Variants in NALCN observed in about 807,000 individuals in gnomAD.
NALCN encodes sodium leak channel NALCN.
In NALCN, 111 loss-of-function variants were observed where a neutral mutation model predicts 225.3. That is an observed-to-expected ratio of 0.49 (90% CI 0.42 to 0.58). The LOEUF is 0.58. NALCN is among the 20% of genes least tolerant of loss of function. The pLI is 0.00. For synonymous variants in NALCN, 764 were observed against 769.0 expected (o/e 0.99, Z 0.11); for missense variants, 1,378 against 2,202.4 (o/e 0.63, Z 7.49).
chr13:101,355,738 G>C (rs1181505370), intron 6 of NALCN, among the ~76,000 whole-genome samples: 1 of 152,118 alleles, frequency 6.6e-6, no homozygotes, highest in Non-Finnish European at 1.5e-5. Context: ...CAAATCAACA[G>C]AATATACATT....
At chr13:101,346,085 C>CTA (rs1164298684) in intron 6 of NALCN, among the ~76,000 whole-genome samples, 2,345 of 80,034 alleles carry the variant, frequency 0.029, 19 homozygotes, top group African/African-American at 0.038. Context: ...CTCTCTCTCT[C>CTA]TCTATATATA....
At chr13:101,220,783 T>C (rs1464935476) in intron 13 of NALCN, among the ~76,000 whole-genome samples, 1 of 152,216 alleles carries the variant, frequency 6.6e-6, no homozygotes, top group African/African-American at 2.4e-5. Context: ...GGAATGGATC[T>C]AAAAAGCAGC....
At chr13:101,394,375 A>G (rs1004982531) in intron 3 of NALCN, among the ~76,000 whole-genome samples, 18 of 152,178 alleles carry the variant, frequency 1.2e-4, no homozygotes, top group African/African-American at 4.1e-4. Flanking sequence ...ACACTTTCTC[A>G]CCAAAATTAG....
intron 43 of NALCN, chr13:101,057,605 A>C: frequency 3.3e-6 from 1 of 304,294 alleles, no homozygotes. Flanking sequence ...CTTCAGTTGA[A>C]TACTTTTGCC....
intron 13 of NALCN, among the ~76,000 whole-genome samples, chr13:101,224,504 A>T (rs186308336): frequency 6.6e-6 from 1 of 152,324 alleles, no homozygotes; most frequent in East Asian, 1.9e-4. Flanking sequence ...AGAATGCTCT[A>T]TAAACCTTAC....
At chr13:101,307,366 C>G (rs1007504229) in intron 7 of NALCN, among the ~76,000 whole-genome samples, 1 of 152,142 alleles carries the variant, frequency 6.6e-6, no homozygotes, top group Admixed American at 6.5e-5. Flanking sequence ...ACACACCAGG[C>G]CTTTCTCTAT....
chr13:101,074,794 G>T, intron 35 of NALCN, 132 bp from the exon 36 acceptor site: 1 of 1,074,074 alleles, frequency 9.3e-7, no homozygotes, highest in Non-Finnish European at 1.3e-6. Flanking sequence ...TAATCTTTAA[G>T]CAGATTGGCT....
chr13:101,246,399 A>G (rs2140178511), intron 11 of NALCN, among the ~76,000 whole-genome samples: 1 of 152,370 alleles, frequency 6.6e-6, no homozygotes, highest in South Asian at 2.1e-4. Context: ...AAAGCTCACA[A>G]GAAAATCAGT....
intron 10 of NALCN, among the ~76,000 whole-genome samples, chr13:101,274,062 C>G (rs1001422088): frequency 6.6e-6 from 1 of 151,978 alleles, no homozygotes; most frequent in Non-Finnish European, 1.5e-5. Context: ...CAACGAGCAC[C>G]CTTACACGTT....
chr13:101,195,667 T>G (rs2140018430), intron 13 of NALCN, among the ~76,000 whole-genome samples: 1 of 152,320 alleles, frequency 6.6e-6, no homozygotes, highest in Non-Finnish European at 1.5e-5. Flanking sequence ...TTTATCCACT[T>G]TAGACATAGA....
intron 1 of NALCN, among the ~76,000 whole-genome samples, chr13:101,411,396 T>G (rs1288827196): frequency 1.4e-5 from 2 of 145,562 alleles, no homozygotes; most frequent in African/African-American, 5.1e-5. Context: ...CAGGCTGGAG[T>G]GTAATGCGTG....
rs772756333 is a variant in NALCN at position 101,397,575 on chromosome 13, CAT to C, written c.108+1442_108+1443del. Among the ~76,000 whole-genome samples, 19 of 150,866 alleles carry C rather than the reference CAT, an allele frequency of 1.3e-4. No individual in the cohort carries two copies. The South Asian group carries it at 1.5e-3, about 12-fold the overall frequency. On this transcript the variant is annotated intron_variant, in intron 2 of 43. Coordinates refer to ENST00000251127, the MANE Select transcript of NALCN (RefSeq NM_052867.4). Reference sequence around the variant, plus strand: ...TATGCATATATGTTAACACATATAACATATATGTGTATGTGTAATGTGTATAT... The same window carrying C: ...TATGCATATATGTTAACACATATAACATATGTGTATGTGTAATGTGTATAT...
chr13:101,095,123 T>C (rs987951323), intron 28 of NALCN, among the ~76,000 whole-genome samples: 2 of 152,194 alleles, frequency 1.3e-5, no homozygotes, highest in African/African-American at 4.8e-5. Context: ...TATTCCTCTC[T>C]AGTGTTTCAA....
intron 27 of NALCN, among the ~76,000 whole-genome samples, chr13:101,096,970 C>T (rs2034542265): frequency 6.6e-6 from 1 of 152,218 alleles, no homozygotes; most frequent in South Asian, 2.1e-4. Flanking sequence ...GCCATGTCTC[C>T]TCTTGGCCTC....
chr13:101,144,694 C>A, intron 16 of NALCN, 66 bp downstream of exon 16: 1 of 1,519,016 alleles, frequency 6.6e-7, no homozygotes, highest in Non-Finnish European at 8.9e-7. Context: ...AGGGTTAAAT[C>A]AGATTTAAGA....
At position 101,396,858 on chromosome 13, in the gene NALCN, C is replaced by A. The variant is rs961634794; in HGVS notation, c.109-1493G>T. ...CTCCAAGGCCACATCTTTTATACTA[C>A]CTTCTTCATAAGTTTGTAGAAAGCT... On this transcript the variant is annotated intron_variant, in intron 2 of 43. Transcript: ENST00000251127. Among the ~76,000 whole-genome samples, 11 of 151,538 alleles carry A rather than the reference C, an allele frequency of 7.3e-5. No homozygotes were observed. The East Asian group carries it at 1.4e-3, about 19-fold the overall frequency.
At chr13:101,388,141 G>C (rs1457150773) in intron 3 of NALCN, among the ~76,000 whole-genome samples, 1 of 152,004 alleles carries the variant, frequency 6.6e-6, no homozygotes, top group Non-Finnish European at 1.5e-5. Flanking sequence ...AATAATAGAG[G>C]CCATGATGGT....
At chr13:101,282,859 T>C (rs952460436) in intron 10 of NALCN, among the ~76,000 whole-genome samples, 1 of 152,190 alleles carries the variant, frequency 6.6e-6, no homozygotes, top group African/African-American at 2.4e-5. Context: ...AATGGCCATA[T>C]AAACATAGCC....
Position 101,382,762 on chromosome 13 carries a change from C to CT in NALCN, c.292-4110dup, listed in dbSNP as rs200861598. Among the ~76,000 whole-genome samples the CT allele has an allele frequency of 4.5e-3, 684 of 152,226 alleles. 5 individuals are homozygous for CT. Among genetic ancestry groups the CT allele is most frequent in the African/African-American group, 0.016 (650 of 41,544 alleles). On this transcript the variant is annotated intron_variant, in intron 3 of 43. Coordinates refer to ENST00000251127, the MANE Select transcript of NALCN (RefSeq NM_052867.4). ...AAATTCTACCATGTAATGTAGAAAACTTTCTTTTCCATAGGAAGTAATTTA... is the reference window on the plus strand; with the variant it reads ...AAATTCTACCATGTAATGTAGAAAACTTTTCTTTTCCATAGGAAGTAATTTA...
Sources: gnomAD v4.1 joint callset for allele counts (sites outside exome capture counted in the v4.1 genomes callset) on GRCh38, gnomAD v4.1.1 for gene constraint, MANE v1.5 for transcripts, NCBI Gene and HGNC (gene_info 2026-07-23, HGNC 2026-07-21) for gene names.